Variants in UPP2 observed in about 807,000 individuals in gnomAD.
The protein encoded by UPP2 is uridine phosphorylase 2, also known as UPase 2.
A neutral mutation model predicts 26.7 loss-of-function variants in UPP2; 23 were observed. The observed-to-expected ratio is 0.86, with a 90% CI of 0.62 to 1.22. The LOEUF (loss-of-function observed/expected upper bound fraction) is 1.22, where lower values mean the gene tolerates loss of function less well. UPP2 is among the 50% of genes most tolerant of loss of function. UPP2 has a pLI of 0.00. For missense variants in UPP2, 387 were observed against 396.7 expected (o/e 0.98, Z 0.21); for synonymous variants, 127 against 141.3 (o/e 0.90, Z 0.72).
intron 3 of UPP2, among the ~76,000 whole-genome samples, chr2:158,092,111 A>C (rs1682920854): frequency 6.6e-6 from 1 of 152,160 alleles, no homozygotes; most frequent in South Asian, 2.1e-4. Flanking sequence ...ATAAAAGGGA[A>C]GTTAATACAT....
intron 3 of UPP2, among the ~76,000 whole-genome samples, chr2:158,091,770 C>G (rs575384497): frequency 3.9e-5 from 6 of 152,310 alleles, no homozygotes; most frequent in South Asian, 2.1e-4. Context: ...CTTCCTCCAG[C>G]AGACTACCCT....
chr2:158,104,646 G>A (rs1165103963), intron 1 of UPP2, among the ~76,000 whole-genome samples: 1 of 152,106 alleles, frequency 6.6e-6, no homozygotes, highest in Non-Finnish European at 1.5e-5. Context: ...GAAAGGCTAG[G>A]CATGATGGCT....
At chr2:158,082,715 T>TA (rs1419785615) in intron 3 of UPP2, among the ~76,000 whole-genome samples, 14 of 152,150 alleles carry the variant, frequency 9.2e-5, no homozygotes, top group Non-Finnish European at 2.1e-4. Flanking sequence ...AAAGGGGATT[T>TA]AATTAAACTA....
At chr2:158,009,655 G>T (rs911661370) in intron 2 of UPP2, among the ~76,000 whole-genome samples, 1 of 152,172 alleles carries the variant, frequency 6.6e-6, no homozygotes, top group Non-Finnish European at 1.5e-5. Flanking sequence ...TCAACAGAAG[G>T]CTCCCAGTTT....
chr2:158,118,717 G>T (rs1162101743), intron 4 of UPP2, among the ~76,000 whole-genome samples: 1 of 151,986 alleles, frequency 6.6e-6, no homozygotes, highest in African/African-American at 2.4e-5. Context: ...GAACTGAATG[G>T]GCATTATAAA....
chr2:158,093,411 T>C (rs900198632), intron 3 of UPP2, among the ~76,000 whole-genome samples: 4 of 152,132 alleles, frequency 2.6e-5, no homozygotes, highest in African/African-American at 9.7e-5. Flanking sequence ...AATCCATTGA[T>C]GTATTGTTTA....
intron 3 of UPP2, among the ~76,000 whole-genome samples, chr2:158,054,222 C>G (rs543891397): frequency 6.6e-6 from 1 of 152,016 alleles, no homozygotes; most frequent in African/African-American, 2.4e-5. Context: ...GGTGCCACTG[C>G]ACTCCAGCCT....
At position 158,115,113 on chromosome 2, in the gene UPP2, G is replaced by T. The variant is rs768718649; in HGVS notation, c.193G>T (p.Gly65Cys). 1 of 1,605,482 alleles carries T rather than the reference G, an allele frequency of 6.2e-7. No individual in the cohort carries two copies. Among genetic ancestry groups the T allele is most frequent in the Non-Finnish European group, 8.5e-7 (1 of 1,177,402 alleles). The change falls in exon 3 of 7, where the codon GGT becomes TGT. Residue 65 changes from glycine (G) to cysteine (C), a missense_variant. Physicochemically the swap from Gly to Cys is radical, Grantham distance 159 (BLOSUM62 -3). Transcript: ENST00000005756. ...TTTTTATTAACAGTTTGTCTGTGTCGGTGGGAGCCCCAACAGAATGAAAGC... is the reference window on the plus strand; with the variant it reads ...TTTTTATTAACAGTTTGTCTGTGTCTGTGGGAGCCCCAACAGAATGAAAGC... The part of the protein sequence containing the change: ...MFGDVKFVCV[G>C]GSPNRMKAFA...
At chr2:158,009,920 A>T (rs967143404) in intron 2 of UPP2, among the ~76,000 whole-genome samples, 1 of 152,226 alleles carries the variant, frequency 6.6e-6, no homozygotes, top group African/African-American at 2.4e-5. Flanking sequence ...ACCTTACATT[A>T]TTGCTATTAA....
At chr2:158,029,514 G>A (rs752033504) in intron 3 of UPP2, among the ~76,000 whole-genome samples, 2 of 152,178 alleles carry the variant, frequency 1.3e-5, no homozygotes, top group African/African-American at 2.4e-5. Flanking sequence ...CCTTGACAAG[G>A]CTACAGATTT....
chr2:158,070,259 C>A (rs1018429276), intron 3 of UPP2, among the ~76,000 whole-genome samples: 2 of 152,314 alleles, frequency 1.3e-5, no homozygotes, highest in South Asian at 2.1e-4. Context: ...CCAAACTGAG[C>A]TACCCCCAAG....
At chr2:158,017,947 T>G (rs1049070258) in intron 3 of UPP2, among the ~76,000 whole-genome samples, 8 of 152,340 alleles carry the variant, frequency 5.3e-5, no homozygotes, top group African/African-American at 1.9e-4. Context: ...TAAATATATG[T>G]CATATATATA....
chr2:158,104,872 G>A (rs1683147161), intron 1 of UPP2, among the ~76,000 whole-genome samples: 1 of 150,142 alleles, frequency 6.7e-6, no homozygotes, highest in Non-Finnish European at 1.5e-5. Flanking sequence ...AGTGAGCTGA[G>A]ATTGGGCCAC....
At chr2:158,093,970 TTA>T (rs921668177) in intron 3 of UPP2, among the ~76,000 whole-genome samples, 1 of 149,802 alleles carries the variant, frequency 6.7e-6, no homozygotes, top group Non-Finnish European at 1.5e-5. Flanking sequence ...TATGTTACAT[TTA>T]TATATATATG....
intron 4 of UPP2, among the ~76,000 whole-genome samples, chr2:158,120,164 G>T (rs914920795): frequency 2.0e-5 from 3 of 152,120 alleles, no homozygotes; most frequent in African/African-American, 7.2e-5. Context: ...ATGCCACCCT[G>T]AAGGATAAGT....
At chr2:158,081,154 A>G (rs1260552172) in intron 3 of UPP2, among the ~76,000 whole-genome samples, 6 of 152,164 alleles carry the variant, frequency 3.9e-5, no homozygotes, top group African/African-American at 1.4e-4. Context: ...GAGGAATTGT[A>G]TGAAATGATG....
intron 3 of UPP2, among the ~76,000 whole-genome samples, chr2:158,055,501 C>T (rs910616579): frequency 6.6e-6 from 1 of 152,052 alleles, no homozygotes; most frequent in Non-Finnish European, 1.5e-5. Context: ...CTGGCTTGTT[C>T]ACTTCGCATA....
chr2:158,042,487 C>A (rs773500724), intron 3 of UPP2, among the ~76,000 whole-genome samples: 3 of 152,238 alleles, frequency 2.0e-5, no homozygotes, highest in Non-Finnish European at 2.9e-5. Context: ...GGGTTGAGAA[C>A]AAACAGGATT....
chr2:158,058,377 T>G (rs1469949742), intron 3 of UPP2, among the ~76,000 whole-genome samples: 2 of 30,514 alleles, frequency 6.6e-5, no homozygotes, highest in East Asian at 1.1e-3. Context: ...TTGTATGCTC[T>G]CTCTCTCTCT....
Sources: gnomAD v4.1 joint callset for allele counts (sites outside exome capture counted in the v4.1 genomes callset) on GRCh38, gnomAD v4.1.1 for gene constraint, MANE v1.5 for transcripts, NCBI Gene and HGNC (gene_info 2026-07-23, HGNC 2026-07-21) for gene names.